SCHIP1: variants seen among roughly 807,000 people sequenced by gnomAD.
SCHIP1 encodes schwannomin-interacting protein 1.
SCHIP1 carries 8 observed loss-of-function variants against 29.7 expected under a neutral mutation model. The ratio of observed to expected loss-of-function variants is 0.27; its 90% CI spans 0.16 to 0.49. The LOEUF is 0.49. Ranked by LOEUF, SCHIP1 falls within the 20% of genes least tolerant of loss-of-function variation. The probability of loss-of-function intolerance (pLI) is 0.99; values close to 1 mark genes in which losing one functional copy is unlikely to be tolerated. For synonymous variants in SCHIP1, 76 were observed against 94.9 expected, an observed-to-expected ratio of 0.80 and a Z score of 1.16; for missense variants, 193 against 294.6, an observed-to-expected ratio of 0.66 and a Z score of 2.52.
At chr3:159,645,548 C>T in the SCHIP1 span, among the ~76,000 whole-genome samples, 1 of 152,158 alleles carries the variant, frequency 6.6e-6, no homozygotes, top group African/African-American at 2.4e-5. Flanking sequence ...TTTCAATCGT[C>T]TACACATTCT....
At chr3:159,315,219 G>A in the SCHIP1 span, among the ~76,000 whole-genome samples, 2 of 112,148 alleles carry the variant, frequency 1.8e-5, no homozygotes, top group African/African-American at 7.3e-5. Flanking sequence ...TTTTTTTTGA[G>A]ATGGAGTCTC....
the SCHIP1 span, among the ~76,000 whole-genome samples, chr3:159,453,393 G>A: frequency 2.0e-5 from 3 of 152,168 alleles, no homozygotes; most frequent in Admixed American, 2.0e-4. Flanking sequence ...CTCAGGGAGT[G>A]TCTGTGTTAA....
At chr3:159,725,441 G>A in the SCHIP1 span, among the ~76,000 whole-genome samples, 1 of 151,976 alleles carries the variant, frequency 6.6e-6, no homozygotes, top group Admixed American at 6.6e-5. Context: ...GCTAATTTTT[G>A]TATTTTTAGT....
At chr3:159,696,017 C>T in the SCHIP1 span, among the ~76,000 whole-genome samples, 2 of 152,296 alleles carry the variant, frequency 1.3e-5, no homozygotes, top group African/African-American at 4.8e-5. Flanking sequence ...TATCAACACC[C>T]ATCACCAAAC....
the SCHIP1 span, among the ~76,000 whole-genome samples, chr3:159,545,726 T>TTA: frequency 0.02 from 2,944 of 147,760 alleles, 92 homozygotes; most frequent in African/African-American, 0.069. Context: ...ATATTATATA[T>TTA]TATATATATA....
chr3:159,746,202 G>C, the SCHIP1 span, among the ~76,000 whole-genome samples: 1 of 152,180 alleles, frequency 6.6e-6, no homozygotes, highest in Non-Finnish European at 1.5e-5. Flanking sequence ...CTTCCCTTAA[G>C]ATTTACAGAA....
At chr3:159,811,306 A>G in the SCHIP1 span, among the ~76,000 whole-genome samples, 9 of 152,198 alleles carry the variant, frequency 5.9e-5, no homozygotes, top group African/African-American at 1.9e-4. Context: ...GATGAAGTCA[A>G]TTTTTTCAGT....
chr3:159,485,348 A>G, the SCHIP1 span, among the ~76,000 whole-genome samples: 3 of 152,108 alleles, frequency 2.0e-5, no homozygotes, highest in African/African-American at 7.3e-5. Flanking sequence ...TAAAATAAGA[A>G]TAACACACAT....
the SCHIP1 span, among the ~76,000 whole-genome samples, chr3:159,806,414 G>A: frequency 7.9e-5 from 12 of 152,156 alleles, no homozygotes; most frequent in Admixed American, 2.0e-4. Context: ...AGAGAGGAAA[G>A]GCAACAACAT....
chr3:159,814,141 C>T, the SCHIP1 span, among the ~76,000 whole-genome samples: 2 of 152,118 alleles, frequency 1.3e-5, no homozygotes, highest in Non-Finnish European at 2.9e-5. Context: ...AACTAGGATG[C>T]CCAAGGTAGG....
At chr3:159,836,263 C>G (rs1022308986), upstream of SCHIP1, among the ~76,000 whole-genome samples, 80 of 152,138 alleles carry the variant, frequency 5.3e-4, 1 homozygote, top group Admixed American at 2.6e-3. Flanking sequence ...TCTCATGAGG[C>G]CCCGTTTCCT....
At chr3:159,848,441 G>A (rs1284836892) in intron 1 of SCHIP1, among the ~76,000 whole-genome samples, 2 of 152,304 alleles carry the variant, frequency 1.3e-5, no homozygotes, top group African/African-American at 4.8e-5. Flanking sequence ...TCAAGTCTCT[G>A]CCAAGGTGGT....
the SCHIP1 span, among the ~76,000 whole-genome samples, chr3:159,608,692 G>T: frequency 2.6e-5 from 4 of 152,234 alleles, no homozygotes; most frequent in Admixed American, 2.6e-4. Context: ...ACCTCAGCAA[G>T]AGTCTAACTC....
the SCHIP1 span, chr3:159,386,780 T>C: frequency 6.6e-6 from 1 of 152,368 alleles, no homozygotes; most frequent in Non-Finnish European, 1.5e-5. Context: ...TAGCTAGAAC[T>C]TGGGTCCTGT....
the SCHIP1 span, among the ~76,000 whole-genome samples, chr3:159,379,064 T>C: frequency 6.6e-6 from 1 of 152,214 alleles, no homozygotes; most frequent in South Asian, 2.1e-4. Flanking sequence ...TGTGTTTGTC[T>C]CTGATAGCAG....
chr3:159,868,004 A>ATATATATATAAATCAATGATTTT (rs1560089708), intron 2 of SCHIP1, among the ~76,000 whole-genome samples: 2 of 145,214 alleles, frequency 1.4e-5, no homozygotes, highest in African/African-American at 5.2e-5. Flanking sequence ...TCAATGATTT[A>ATATATATATAAATCAATGATTTT]TATATATATA....
At chr3:159,736,901 A>AT in the SCHIP1 span, among the ~76,000 whole-genome samples, 52 of 151,968 alleles carry the variant, frequency 3.4e-4, 1 homozygote, top group Middle Eastern at 6.8e-3. Context: ...CGCCCGGCTA[A>AT]TTTTTTGTAT....
rs1258519089 is a variant in SCHIP1 at position 159,853,285 on chromosome 3, T to C, written c.31-12878T>C. 2.2e-5 allele frequency: 13 copies of C among 600,592 alleles called. No homozygotes were observed. In the East Asian group the frequency reaches 3.6e-4, roughly 17 times the overall value. The allele number at this position is 600,592 out of a possible 1,614,324, so 37.2% of individuals were successfully genotyped here. ...CCTCTTAGCCAGCTCTCCATGTCAG[T>C]ATGAGCAGTAACCAGGGAACTGGGC... is the stretch of plus-strand genomic sequence containing the variant. On this transcript the variant is annotated intron_variant, in intron 1 of 6. Coordinates refer to ENST00000445224, the Ensembl canonical transcript of SCHIP1.
the SCHIP1 span, among the ~76,000 whole-genome samples, chr3:159,500,726 GAAAA>G: frequency 1.1e-4 from 17 of 148,848 alleles, no homozygotes; most frequent in East Asian, 1.9e-4. Flanking sequence ...AAAAAAAAAA[GAAAA>G]AAGAGACCAA....
Sources: allele counts gnomAD v4.1 joint callset (sites outside exome capture counted in the v4.1 genomes callset), GRCh38; gene constraint gnomAD v4.1.1; transcripts MANE v1.5; gene names NCBI Gene and HGNC (gene_info 2026-07-23, HGNC 2026-07-21).